CD247: variants seen among roughly 807,000 people sequenced by gnomAD.
CD247 encodes the protein T-cell surface glycoprotein CD3 zeta chain.
A neutral mutation model predicts 30.0 loss-of-function variants in CD247; 13 were observed. The observed-to-expected ratio is 0.43, with a 90% confidence interval of 0.28 to 0.69. The LOEUF (loss-of-function observed/expected upper bound fraction) is 0.69. CD247 is among the 30% of genes least tolerant of loss of function. The probability of loss-of-function intolerance (pLI) is 0.16; values close to 1 mark genes in which losing one functional copy is unlikely to be tolerated. For missense variants in CD247, 193 were observed against 212.6 expected, an observed-to-expected ratio of 0.91 and a Z score of 0.57; for synonymous variants, 72 against 80.0, an observed-to-expected ratio of 0.90 and a Z score of 0.53.
chr1:167,507,138 C>T (rs1220684345), intron 1 of CD247, among the ~76,000 whole-genome samples: 2 of 151,942 alleles, frequency 1.3e-5, no homozygotes, highest in Non-Finnish European at 2.9e-5. Flanking sequence ...AGGTTGATCT[C>T]AAACTCCGGA....
intron 2 of CD247, 177 bp downstream of exon 2, chr1:167,440,487 C>T: frequency 3.0e-6 from 2 of 658,120 alleles, no homozygotes; most frequent in Non-Finnish European, 5.5e-6. Flanking sequence ...CTCAGCCAGA[C>T]ACTGCCACCT....
At chr1:167,443,051 T>C (rs1651914003) in intron 1 of CD247, among the ~76,000 whole-genome samples, 2 of 152,186 alleles carry the variant, frequency 1.3e-5, no homozygotes. Context: ...GCTTGCGTTC[T>C]ACCCCTCCAC....
At chr1:167,462,968 G>C (rs934096144) in intron 1 of CD247, among the ~76,000 whole-genome samples, 1 of 151,988 alleles carries the variant, frequency 6.6e-6, no homozygotes, top group South Asian at 2.1e-4. Flanking sequence ...TAGCCTCATT[G>C]CCTGTCTCCT....
In CD247 at chr1:167,455,928, T is replaced by C. The variant is rs1652634104; in HGVS notation, c.59-15161A>G. Among the ~76,000 whole-genome samples the C allele has an allele frequency of 3.3e-5, 5 of 152,032 alleles. No individual in the cohort carries two copies. The South Asian group carries it at 1.0e-3, about 32-fold the overall frequency. On this transcript the variant is annotated intron_variant, in intron 1 of 7. Coordinates refer to ENST00000362089, the MANE Select transcript of CD247 (RefSeq NM_198053.3). ...GCCCGGCACACGAGCACGGCGACAG[T>C]GGCAAGACTGGGAGGGCCGGCGCTG...
intron 1 of CD247, among the ~76,000 whole-genome samples, chr1:167,446,025 G>T (rs764709811): frequency 6.6e-6 from 1 of 152,314 alleles, no homozygotes; most frequent in Non-Finnish European, 1.5e-5. Flanking sequence ...GAGATCAGAG[G>T]AATGAAGCAA....
chr1:167,484,120 C>T (rs1479850967), intron 1 of CD247, among the ~76,000 whole-genome samples: 2 of 152,224 alleles, frequency 1.3e-5, no homozygotes, highest in African/African-American at 4.8e-5. Flanking sequence ...GGTGAGATCA[C>T]AGCTCTCTCA....
chr1:167,474,455 G>T (rs1245638203), intron 1 of CD247, among the ~76,000 whole-genome samples: 1 of 152,088 alleles, frequency 6.6e-6, no homozygotes, highest in South Asian at 2.1e-4. Context: ...CCTAACTGGA[G>T]GCTCAAAGAG....
At chr1:167,437,854 G>A (rs1008382240) in intron 4 of CD247, among the ~76,000 whole-genome samples, 1 of 152,166 alleles carries the variant, frequency 6.6e-6, no homozygotes, top group Non-Finnish European at 1.5e-5. Flanking sequence ...ATCTCTAAGA[G>A]TAAGTTGCTA....
intron 4 of CD247, 82 bp from the exon 5 acceptor site, chr1:167,435,516 C>G (rs1012830171): frequency 6.2e-6 from 7 of 1,132,118 alleles, no homozygotes; most frequent in African/African-American, 3.0e-5. Flanking sequence ...CATCCTGCCC[C>G]CTGACTGCAG....
intron 1 of CD247, among the ~76,000 whole-genome samples, chr1:167,507,937 C>A (rs574159942): frequency 6.6e-6 from 1 of 152,158 alleles, no homozygotes; most frequent in Non-Finnish European, 1.5e-5. Flanking sequence ...TCTGAGGAAG[C>A]TATGGTCTGA....
chr1:167,471,834 T>G (rs1174045303), intron 1 of CD247, among the ~76,000 whole-genome samples: 1 of 119,354 alleles, frequency 8.4e-6, no homozygotes, highest in Non-Finnish European at 1.7e-5. Context: ...TTTCTTTCTT[T>G]TTTTTTTTTT....
intron 1 of CD247, among the ~76,000 whole-genome samples, chr1:167,499,629 C>T (rs971142690): frequency 5.3e-5 from 8 of 152,166 alleles, no homozygotes; most frequent in Middle Eastern, 3.4e-3. Context: ...GAAAAGTAGG[C>T]GTAATAATGG....
At chr1:167,515,891 G>A (rs1356150152) in intron 1 of CD247, among the ~76,000 whole-genome samples, 1 of 152,196 alleles carries the variant, frequency 6.6e-6, no homozygotes, top group African/African-American at 2.4e-5. Flanking sequence ...TTTACTTATT[G>A]GCTGTCTACT....
chr1:167,509,192 C>A (rs1276430213), intron 1 of CD247, among the ~76,000 whole-genome samples: 1 of 151,920 alleles, frequency 6.6e-6, no homozygotes, highest in Non-Finnish European at 1.5e-5. Flanking sequence ...CATGGAGAAA[C>A]CCTGTCTCTA....
At chr1:167,505,289 T>C (rs1297885544) in intron 1 of CD247, among the ~76,000 whole-genome samples, 1 of 152,168 alleles carries the variant, frequency 6.6e-6, no homozygotes, top group Non-Finnish European at 1.5e-5. Flanking sequence ...GTTGTTGAGA[T>C]ACGGTTTACA....
Position 167,433,022 on chromosome 1 carries a change from A to G in CD247, c.429+2T>C. 1.2e-6 allele frequency: 2 copies of G among 1,614,140 alleles called. No homozygotes were observed. Among genetic ancestry groups the G allele is most frequent in the Non-Finnish European group, 1.7e-6 (2 of 1,179,970 alleles). Reference sequence around the variant, plus strand: ...CACTGAAGGGACGCCGGCAGCTCCTACCTGGTAAAGGCCATCGTGCCCCTT... The same window carrying G: ...CACTGAAGGGACGCCGGCAGCTCCTGCCTGGTAAAGGCCATCGTGCCCCTT... On this transcript the variant is annotated splice_donor_variant, in intron 7 of 7. Transcript: ENST00000362089. LOFTEE classifies it high-confidence loss of function.
At chr1:167,470,522 A>AG (rs1051194299) in intron 1 of CD247, among the ~76,000 whole-genome samples, 6 of 144,210 alleles carry the variant, frequency 4.2e-5, no homozygotes, top group African/African-American at 1.5e-4. Context: ...AAAAAAAAAA[A>AG]AAAAAGAAAC....
chr1:167,433,654 T>C (rs1236625462), intron 6 of CD247, among the ~76,000 whole-genome samples: 1 of 152,236 alleles, frequency 6.6e-6, no homozygotes, highest in East Asian at 1.9e-4. Context: ...TAATTGTTGA[T>C]GAACAATTCT....
At chr1:167,434,355 G>A (rs1460192323) in intron 5 of CD247, 2 of 517,122 alleles carry the variant, frequency 3.9e-6, no homozygotes, top group South Asian at 2.1e-5. Flanking sequence ...ATAGGAGGTG[G>A]AGTTCTAGAC....
Sources: allele counts gnomAD v4.1 joint callset (sites outside exome capture counted in the v4.1 genomes callset), GRCh38; gene constraint gnomAD v4.1.1; transcripts MANE v1.5; gene names NCBI Gene and HGNC (gene_info 2026-07-23, HGNC 2026-07-21).